The following RBX1 variants were observed in gnomAD, a reference collection of about 807,000 sequenced individuals.
RBX1 encodes ring-box 1.
For missense variants in RBX1, 46 were observed against 141.4 expected (o/e 0.33, Z 3.42); for synonymous variants, 48 against 47.9 (o/e 1.00, Z -0.01).
chr22:40,971,995 A>G (rs2058370353), intron 4 of RBX1, among the ~76,000 whole-genome samples: 1 of 152,198 alleles, frequency 6.6e-6, no homozygotes, highest in African/African-American at 2.4e-5. Context: ...CTGATGACAG[A>G]TTTTGAAATT....
chr22:40,957,702 CAA>C (rs939901805), intron 2 of RBX1, among the ~76,000 whole-genome samples: 2 of 152,148 alleles, frequency 1.3e-5, no homozygotes, highest in Non-Finnish European at 2.9e-5. Context: ...GGGTCTCACT[CAA>C]GTGCCCAGGC....
intron 2 of RBX1, among the ~76,000 whole-genome samples, chr22:40,962,128 C>G (rs960964665): frequency 1.7e-4 from 25 of 151,258 alleles, no homozygotes; most frequent in African/African-American, 5.9e-4. Context: ...GAGACAGAGT[C>G]TTGCTCTTTT....
intron 2 of RBX1, among the ~76,000 whole-genome samples, chr22:40,962,004 C>T (rs922541231): frequency 6.6e-6 from 1 of 152,118 alleles, no homozygotes; most frequent in Non-Finnish European, 1.5e-5. Flanking sequence ...AGGCTGGTCT[C>T]GAACCCTGAC....
At position 40,955,032 on chromosome 22, in the gene RBX1, G is replaced by A. The variant is rs1412314131; in HGVS notation, c.157+1399G>A. On this transcript the variant is annotated intron_variant, in intron 2 of 4. Transcript: ENST00000216225. ...GAACTCCTGACCTCGGGTGATCCGC[G>A]TGCCTCTGCCTCCCAAAGTGTTGGG... Among the ~76,000 whole-genome samples the A allele has an allele frequency of 2.6e-5, 4 of 151,872 alleles. 1 individual carries two copies. Among genetic ancestry groups the A allele is most frequent in the African/African-American group, 7.3e-5 (3 of 41,346 alleles).
At chr22:40,952,790 C>T (rs1427068296) in intron 1 of RBX1, among the ~76,000 whole-genome samples, 1 of 152,138 alleles carries the variant, frequency 6.6e-6, no homozygotes, top group Non-Finnish European at 1.5e-5. Flanking sequence ...TGTGTACTGA[C>T]ACGGGTATTT....
chr22:40,962,932 A>G (rs1166118839), intron 2 of RBX1, among the ~76,000 whole-genome samples: 1 of 146,794 alleles, frequency 6.8e-6, no homozygotes, highest in African/African-American at 2.5e-5. Context: ...TCCTGACCTC[A>G]TGATGTGCCT....
At chr22:40,951,636 T>C (rs1042838525) in intron 1 of RBX1, among the ~76,000 whole-genome samples, 160 bp downstream of exon 1, 5 of 151,986 alleles carry the variant, frequency 3.3e-5, no homozygotes, top group Non-Finnish European at 7.4e-5. Context: ...TTAGAGTTGA[T>C]CGGCGTGACG....
chr22:40,952,149 G>A (rs1038303457), intron 1 of RBX1, among the ~76,000 whole-genome samples: 6 of 152,192 alleles, frequency 3.9e-5, no homozygotes, highest in African/African-American at 1.4e-4. Context: ...ATAATAAAAA[G>A]CATGGTGGAA....
intron 1 of RBX1, among the ~76,000 whole-genome samples, chr22:40,951,813 G>T (rs1349026078): frequency 6.6e-6 from 1 of 151,722 alleles, no homozygotes; most frequent in Non-Finnish European, 1.5e-5. Flanking sequence ...GGGTGGGGTG[G>T]GGTGGGTGGA....
At chr22:40,968,849 CTT>C (rs1241784007) in intron 4 of RBX1, among the ~76,000 whole-genome samples, 14 of 133,094 alleles carry the variant, frequency 1.1e-4, no homozygotes, top group Admixed American at 4.4e-4. Context: ...AGTAATTCAC[CTT>C]TTTTTTTTTT....
chr22:40,969,899 AAAAG>A (rs1385499238), intron 4 of RBX1, among the ~76,000 whole-genome samples: 5 of 151,764 alleles, frequency 3.3e-5, no homozygotes, highest in East Asian at 1.9e-4. Flanking sequence ...AAAAAAAAAA[AAAAG>A]AAAGAAAATT....
At chr22:40,956,096 A>C (rs145162973) in intron 2 of RBX1, among the ~76,000 whole-genome samples, 4 of 152,186 alleles carry the variant, frequency 2.6e-5, no homozygotes, top group African/African-American at 9.6e-5. Flanking sequence ...GTCAGTGTAT[A>C]TGTGTCTCTG....
intron 2 of RBX1, among the ~76,000 whole-genome samples, chr22:40,958,406 G>A (rs987217908): frequency 6.6e-6 from 1 of 151,994 alleles, no homozygotes; most frequent in African/African-American, 2.4e-5. Flanking sequence ...AAAGATGAAA[G>A]TAAGAATCTA....
chr22:40,965,422 G>GTT, intron 3 of RBX1, among the ~76,000 whole-genome samples: 1 of 139,072 alleles, frequency 7.2e-6, no homozygotes, highest in South Asian at 2.4e-4. Flanking sequence ...CTGGTTTTTT[G>GTT]TTTTTTTTTT....
chr22:40,966,606 C>T (rs996435424), intron 3 of RBX1: 1 of 152,106 alleles, frequency 6.6e-6, no homozygotes, highest in African/African-American at 2.4e-5. Context: ...CTTGGGTATC[C>T]CTAGTGTACT....
At chr22:40,952,807 C>T (rs542155498) in intron 1 of RBX1, among the ~76,000 whole-genome samples, 1 of 151,984 alleles carries the variant, frequency 6.6e-6, no homozygotes, top group South Asian at 2.1e-4. Flanking sequence ...ATTTAATTAT[C>T]CAGCTTATCC....
At chr22:40,971,170 G>A (rs982059988) in intron 4 of RBX1, among the ~76,000 whole-genome samples, 1 of 152,116 alleles carries the variant, frequency 6.6e-6, no homozygotes, top group East Asian at 1.9e-4. Flanking sequence ...TAAGAATTGC[G>A]GGGGTATGAA....
chr22:40,969,827 T>C lies in RBX1; in HGVS notation c.314+1943T>C, dbSNP rs563526882. On this transcript the variant is annotated intron_variant, in intron 4 of 4. Transcript: ENST00000216225. ...TCACTTGAGCCTGGGAGGCAGAGGT[T>C]GCAGTGAGCAGAGATCGTGCCACTG... Among the ~76,000 whole-genome samples, 3 of 151,096 alleles carry C rather than the reference T, an allele frequency of 2.0e-5. No homozygotes were observed. The East Asian group carries it at 5.9e-4, about 30-fold the overall frequency.
intron 2 of RBX1, among the ~76,000 whole-genome samples, chr22:40,961,795 G>A (rs2058341276): frequency 6.6e-6 from 1 of 151,342 alleles, no homozygotes; most frequent in African/African-American, 2.4e-5. Flanking sequence ...CTCTGTGTGT[G>A]TGTGTGTGTG....
Sources: allele counts gnomAD v4.1 joint callset (sites outside exome capture counted in the v4.1 genomes callset), GRCh38; gene constraint gnomAD v4.1.1; transcripts MANE v1.5; gene names NCBI Gene and HGNC (gene_info 2026-07-23, HGNC 2026-07-21).